Variants in MLLT3 observed in about 807,000 individuals in gnomAD.
The protein encoded by MLLT3 is protein AF-9.
In MLLT3, 4 loss-of-function variants were observed where a neutral mutation model predicts 53.2. The observed-to-expected ratio is 0.08, with a 90% CI of 0.04 to 0.17. The LOEUF (loss-of-function observed/expected upper bound fraction) is 0.17. Among genes scored for constraint, MLLT3 ranks in the 10% least tolerant of loss-of-function variants. The pLI is 1.00. For missense variants in MLLT3, 569 were observed against 684.0 expected, an observed-to-expected ratio of 0.83 and a Z score of 1.87; for synonymous variants, 283 against 230.6, an observed-to-expected ratio of 1.23 and a Z score of -2.06.
At position 20,344,699 on chromosome 9, in the gene MLLT3, T is replaced by C. The variant is rs1353175465; in HGVS notation, c.*1744A>G. 2 of 206,772 alleles carry C rather than the reference T, an allele frequency of 9.7e-6. No homozygotes were observed. The highest frequency in any genetic ancestry group is 5.9e-5 in the Admixed American group (1 of 16,856). 12.8% of individuals were successfully genotyped at this position (206,772 alleles called of 1,614,324 possible). A position where few individuals can be genotyped will look rare whatever the true frequency, so the allele number is the denominator to read the frequency against. On this transcript the variant is annotated 3_prime_UTR_variant, in exon 11 of 11. Coordinates refer to ENST00000380338, the MANE Select transcript of MLLT3 (RefSeq NM_004529.4). ...TTAAAGGAAAAATAGTTTCTTTGGA[T>C]AGAAAGAAACAGTGTAAAAAATCCC...
At chr9:20,395,973 G>C (rs1023147056) in intron 5 of MLLT3, among the ~76,000 whole-genome samples, 2 of 152,096 alleles carry the variant, frequency 1.3e-5, no homozygotes, top group African/African-American at 4.8e-5. Flanking sequence ...GACAGCATAG[G>C]CTTGTTCTTG....
rs1823764993 is a variant in MLLT3, at chr9:20,448,592, T to G, written c.277-326A>C. On this transcript the variant is annotated intron_variant, in intron 3 of 10. Transcript: ENST00000380338. The surrounding 1 kb of genome is among the most constrained non-coding windows in gnomAD (Gnocchi z 4.0). The stretch of plus-strand genomic sequence containing the variant: ...CATTCCTTCCTCTTCCCCACCCCAG[T>G]ACACTCACCATCAAAGGCTGCCATT... Among the ~76,000 whole-genome samples the G allele has an allele frequency of 6.6e-6, 1 of 152,074 alleles. No individual in the cohort carries two copies. The highest frequency in any genetic ancestry group is 2.4e-5 in the African/African-American group (1 of 41,408).
chr9:20,356,474 G>C (rs1587147461), intron 8 of MLLT3, among the ~76,000 whole-genome samples: 3 of 151,916 alleles, frequency 2.0e-5, no homozygotes, highest in African/African-American at 7.3e-5. Flanking sequence ...TGAGACCTAG[G>C]AGCAAGTAGG....
chr9:20,522,966 A>T (rs974864585), intron 2 of MLLT3, among the ~76,000 whole-genome samples: 1 of 151,658 alleles, frequency 6.6e-6, no homozygotes, highest in South Asian at 2.1e-4. Flanking sequence ...TGTCTTAAAA[A>T]ATAAATAAAT....
In MLLT3 at chr9:20,621,823, G is replaced by A; in HGVS notation, c.12+422C>T. 1 of 1,427,684 alleles carries A rather than the reference G, an allele frequency of 7.0e-7. No individual in the cohort carries two copies. The highest frequency in any genetic ancestry group is 2.9e-5 in the East Asian group (1 of 34,302). The allele number at this position is 1,427,684 out of a possible 1,614,324, so 88.4% of individuals were successfully genotyped here. Reference sequence around the variant, plus strand: ...GGAGGTGCGGCCGCCGAGGCTGCTCGCCGCGTCCCCGGACTGTGCCCGCAG... The same window carrying A: ...GGAGGTGCGGCCGCCGAGGCTGCTCACCGCGTCCCCGGACTGTGCCCGCAG... On this transcript the variant is annotated intron_variant, in intron 1 of 10. Coordinates refer to ENST00000380338, the MANE Select transcript of MLLT3 (RefSeq NM_004529.4). This position sits in a 1 kb window ranked among gnomAD's most constrained non-coding sequence, Gnocchi z 7.0.
At chr9:20,513,003 G>C (rs890310819) in intron 2 of MLLT3, among the ~76,000 whole-genome samples, 2 of 152,260 alleles carry the variant, frequency 1.3e-5, no homozygotes, top group African/African-American at 4.8e-5. Context: ...ATTAAGAACT[G>C]TAAGTGAGGC....
In MLLT3 at chr9:20,514,989, C is replaced by T. The variant is rs138116764; in HGVS notation, c.194-58203G>A. On this transcript the variant is annotated intron_variant, in intron 2 of 10. Coordinates refer to ENST00000380338, the MANE Select transcript of MLLT3 (RefSeq NM_004529.4). The stretch of plus-strand genomic sequence containing the variant: ...TGAGACGGAGTCTTGCACTGTTGCC[C>T]GGGCTGGAGTGCAGTGGCGTTATCT... Among the ~76,000 whole-genome samples the T allele has an allele frequency of 6.1e-3, 844 of 138,196 alleles. 6 individuals are homozygous for T. The highest frequency in any genetic ancestry group is 0.021 in the African/African-American group (758 of 36,834). 90.7% of individuals were successfully genotyped at this position (138,196 alleles called of 152,430 possible).
intron 3 of MLLT3, among the ~76,000 whole-genome samples, chr9:20,450,986 T>C (rs1027321129): frequency 6.6e-6 from 1 of 152,168 alleles, no homozygotes; most frequent in Non-Finnish European, 1.5e-5. Context: ...ATCTCTTCCA[T>C]AGAAATATTC....
chr9:20,424,512 G>A lies in MLLT3; in HGVS notation c.421-10087C>T, dbSNP rs779127375. Reference sequence around the variant, plus strand: ...TAATCACCTCCAAAAAGGATGAGGCGGGAGAGGTCACTGTTTTAAGAAAAC... The same window carrying A: ...TAATCACCTCCAAAAAGGATGAGGCAGGAGAGGTCACTGTTTTAAGAAAAC... On this transcript the variant is annotated intron_variant, in intron 4 of 10. Transcript: ENST00000380338. 5.9e-5 allele frequency among the ~76,000 whole-genome samples: 9 copies of A among 152,248 alleles called. No individual in the cohort carries two copies. The East Asian group carries it at 9.6e-4, about 16-fold the overall frequency.
chr9:20,363,611 T>G lies in MLLT3; in HGVS notation c.1202-6A>C. ...CATTATAGACCTCAAAGGACCTGAG[T>G]AATGACAATGAACCACAGGCAATCA... On this transcript the variant is annotated splice_region_variant and splice_polypyrimidine_tract_variant and intron_variant, in intron 6 of 10. Transcript: ENST00000380338. 6.2e-7 allele frequency: 1 copy of G among 1,612,948 alleles called. No individual in the cohort carries two copies. Among genetic ancestry groups the G allele is most frequent in the Non-Finnish European group, 8.5e-7 (1 of 1,179,796 alleles).
At chr9:20,539,634 C>T (rs117405535) in intron 2 of MLLT3, among the ~76,000 whole-genome samples, 1 of 152,190 alleles carries the variant, frequency 6.6e-6, no homozygotes, top group Non-Finnish European at 1.5e-5. Context: ...ATGATCCAAT[C>T]ACCTCCCACT....
In MLLT3 at chr9:20,420,889, C is replaced by G. The variant is rs143988564; in HGVS notation, c.421-6464G>C. 1.8e-4 allele frequency among the ~76,000 whole-genome samples: 27 copies of G among 152,242 alleles called. 1 individual carries two copies. In the East Asian group the frequency reaches 4.3e-3, roughly 24 times the overall value. On this transcript the variant is annotated intron_variant, in intron 4 of 10. Coordinates refer to ENST00000380338, the MANE Select transcript of MLLT3 (RefSeq NM_004529.4). ...GTATCCATAGAACACTGATAAAAAT[C>G]AATCATAAGGTAACATAAGCTTTAA...
intron 10 of MLLT3, among the ~76,000 whole-genome samples, chr9:20,352,053 A>T (rs1274588611): frequency 6.6e-6 from 1 of 152,244 alleles, no homozygotes; most frequent in African/African-American, 2.4e-5. Flanking sequence ...ATCCACTTGG[A>T]TGGAGTTCTC....
chr9:20,398,851 C>G (rs1053671718), intron 5 of MLLT3, among the ~76,000 whole-genome samples: 4 of 151,994 alleles, frequency 2.6e-5, no homozygotes, highest in Non-Finnish European at 5.9e-5. Context: ...CCTTGCTGCC[C>G]CTGTGTTATT....
chr9:20,546,779 C>T lies in MLLT3; in HGVS notation c.193+73875G>A, dbSNP rs142395655. Reference sequence around the variant, plus strand: ...CTCACTCCCATCCTGTCCCGTGGAACAGGCAGGGGCCATACAGGGGATCGA... The same window carrying T: ...CTCACTCCCATCCTGTCCCGTGGAATAGGCAGGGGCCATACAGGGGATCGA... On this transcript the variant is annotated intron_variant, in intron 2 of 10. Coordinates refer to ENST00000380338, the MANE Select transcript of MLLT3 (RefSeq NM_004529.4). Among the ~76,000 whole-genome samples the T allele has an allele frequency of 3.9e-4, 59 of 152,376 alleles. No homozygotes were observed. The East Asian group carries it at 0.01, about 26-fold the overall frequency.
At chr9:20,558,587 G>T (rs1235359271) in intron 2 of MLLT3, among the ~76,000 whole-genome samples, 1 of 152,126 alleles carries the variant, frequency 6.6e-6, no homozygotes, top group Non-Finnish European at 1.5e-5. Context: ...GCACCCAAAA[G>T]CATTAAACTC....
intron 2 of MLLT3, among the ~76,000 whole-genome samples, chr9:20,476,536 C>T (rs190370140): frequency 5.1e-4 from 78 of 152,038 alleles, no homozygotes; most frequent in African/African-American, 1.8e-3. Context: ...TAAGTAATGT[C>T]AACTTAATTC....
At chr9:20,369,206 T>G (rs1431390747) in intron 5 of MLLT3, among the ~76,000 whole-genome samples, 1 of 152,122 alleles carries the variant, frequency 6.6e-6, no homozygotes, top group African/African-American at 2.4e-5. Context: ...CTCAACAGAA[T>G]TAGCTGGGAG....
At chr9:20,575,878 A>C (rs1256404716) in intron 2 of MLLT3, among the ~76,000 whole-genome samples, 1 of 152,226 alleles carries the variant, frequency 6.6e-6, no homozygotes, top group Non-Finnish European at 1.5e-5. Context: ...CAGCTGCATT[A>C]GCCCTTAACA....
Sources: gnomAD v4.1 joint callset for allele counts (sites outside exome capture counted in the v4.1 genomes callset) on GRCh38, gnomAD v4.1.1 for gene constraint, Gnocchi (gnomAD v3.1) non-coding constraint, MANE v1.5 for transcripts, NCBI Gene and HGNC (gene_info 2026-07-23, HGNC 2026-07-21) for gene names.